Variants in INSYN2B observed in about 807,000 individuals in gnomAD.
INSYN2B encodes inhibitory synaptic factor family member 2B.
A neutral mutation model predicts 41.2 loss-of-function variants in INSYN2B; 16 were observed. The ratio of observed to expected loss-of-function variants is 0.39; its 90% CI spans 0.26 to 0.59. The LOEUF is 0.59. Ranked by LOEUF, INSYN2B falls within the 20% of genes least tolerant of loss-of-function variation. The probability of loss-of-function intolerance (pLI) is 0.57; values close to 1 mark genes in which losing one functional copy is unlikely to be tolerated. For missense variants in INSYN2B, 608 were observed against 646.4 expected, an observed-to-expected ratio of 0.94 and a Z score of 0.64; for synonymous variants, 245 against 244.4, an observed-to-expected ratio of 1.00 and a Z score of -0.02.
chr5:169,959,746 A>G (rs1488842955), intron 1 of INSYN2B, among the ~76,000 whole-genome samples: 1 of 152,232 alleles, frequency 6.6e-6, no homozygotes, highest in Non-Finnish European at 1.5e-5. Flanking sequence ...CATCCTAGTT[A>G]TTCCACATCC....
In INSYN2B at chr5:169,877,995, G is replaced by A. The variant is rs576045539; in HGVS notation, c.1421+3373C>T. Among the ~76,000 whole-genome samples the A allele has an allele frequency of 1.2e-4, 18 of 152,236 alleles. No individual in the cohort carries two copies. In the East Asian group the frequency reaches 3.3e-3, roughly 28 times the overall value. On this transcript the variant is annotated intron_variant, in intron 3 of 3. Transcript: ENST00000377365. ...TATTATTTTCCTTTAAAACATATTG[G>A]AGACATTTTACAACTGAAACCAAGC...
In INSYN2B at chr5:169,863,866, C is replaced by T. The variant is rs1296302626; in HGVS notation, c.*407G>A. Among the ~76,000 whole-genome samples, 3 of 152,130 alleles carry T rather than the reference C, an allele frequency of 2.0e-5. No individual in the cohort carries two copies. Among genetic ancestry groups the T allele is most frequent in the East Asian group, 1.9e-4 (1 of 5,196 alleles). ...TAACCTATAACCTCCCTCTACCTTC[C>T]GGGTCTGCACAACACTATTTTTTTC... On this transcript the variant is annotated 3_prime_UTR_variant, in exon 4 of 4. Coordinates refer to ENST00000377365, the MANE Select transcript of INSYN2B (RefSeq NM_001129891.3).
chr5:169,901,337 G>A (rs1773911469), intron 1 of INSYN2B, among the ~76,000 whole-genome samples: 1 of 152,182 alleles, frequency 6.6e-6, no homozygotes, highest in Non-Finnish European at 1.5e-5. Context: ...TTAGGCAGGA[G>A]TGATGATATT....
At chr5:169,929,327 A>G (rs913058683) in intron 1 of INSYN2B, among the ~76,000 whole-genome samples, 4 of 152,202 alleles carry the variant, frequency 2.6e-5, no homozygotes, top group Admixed American at 6.5e-5. Context: ...TCACATGGGT[A>G]AGACTCAGAC....
At chr5:169,971,082 G>T (rs764655737) in intron 1 of INSYN2B, among the ~76,000 whole-genome samples, 10 of 152,068 alleles carry the variant, frequency 6.6e-5, no homozygotes, top group Non-Finnish European at 1.5e-5. Context: ...AGCTAATGCG[G>T]ACTGCAGAGG....
At chr5:169,951,894 C>T (rs1177245811) in intron 1 of INSYN2B, among the ~76,000 whole-genome samples, 1 of 152,178 alleles carries the variant, frequency 6.6e-6, no homozygotes, top group African/African-American at 2.4e-5. Context: ...GACACCAGAA[C>T]CAGAGCCCCA....
At chr5:169,955,776 C>T (rs1391853252) in intron 1 of INSYN2B, among the ~76,000 whole-genome samples, 1 of 152,140 alleles carries the variant, frequency 6.6e-6, no homozygotes, top group African/African-American at 2.4e-5. Context: ...ATCCTGCCTC[C>T]CAGGGCTTTA....
At position 169,863,175 on chromosome 5, in the gene INSYN2B, G is replaced by A. The variant is rs1771311161; in HGVS notation, c.*1098C>T. 2.6e-5 allele frequency among the ~76,000 whole-genome samples: 4 copies of A among 152,198 alleles called. No homozygotes were observed. The highest frequency in any genetic ancestry group is 5.9e-5 in the Non-Finnish European group (4 of 68,038). On this transcript the variant is annotated 3_prime_UTR_variant, in exon 4 of 4. Coordinates refer to ENST00000377365, the MANE Select transcript of INSYN2B (RefSeq NM_001129891.3). ...CTTGAATAACTCAGACTTTGGGATGGAAAGATATTTAAACCTCAAATAGAA... is the reference window on the plus strand; with the variant it reads ...CTTGAATAACTCAGACTTTGGGATGAAAAGATATTTAAACCTCAAATAGAA...
chr5:169,933,461 T>C (rs750428938), intron 1 of INSYN2B, among the ~76,000 whole-genome samples: 15 of 152,206 alleles, frequency 9.9e-5, no homozygotes, highest in Non-Finnish European at 1.6e-4. Flanking sequence ...GGTAAATCAG[T>C]CATTATCCTG....
chr5:169,883,136 A>G lies in INSYN2B; in HGVS notation c.763T>C (p.Ser255Pro). ...CTGGTGGCATTTAAGCAGGAGGTGGATTTTTCTGAATCTAGTGGAGTCACC... is the reference window on the plus strand; with the variant it reads ...CTGGTGGCATTTAAGCAGGAGGTGGGTTTTTCTGAATCTAGTGGAGTCACC... Reference protein sequence around the residue: ...RRVTPLDSEKSTSCLNATSVA... With the variant: ...RRVTPLDSEKPTSCLNATSVA... Residue 255 changes from serine (S) to proline (P), a missense_variant, in exon 2 of 4, where the codon TCC becomes CCC. Ser to Pro is a moderately conservative substitution (Grantham distance 74). Transcript: ENST00000377365. 6.4e-7 allele frequency: 1 copy of G among 1,551,224 alleles called. No homozygotes were observed. The highest frequency in any genetic ancestry group is 8.7e-7 in the Non-Finnish European group (1 of 1,146,876).
Position 169,930,426 on chromosome 5 carries a change from G to A in INSYN2B, c.-918-45610C>T, listed in dbSNP as rs576055212. Among the ~76,000 whole-genome samples, 12 of 152,340 alleles carry A rather than the reference G, an allele frequency of 7.9e-5. No homozygotes were observed. The South Asian group carries it at 1.9e-3, about 24-fold the overall frequency. On this transcript the variant is annotated intron_variant, in intron 1 of 3. Transcript: ENST00000377365. ...GGACCTCAGAGCCTCTTAGGGTAAT[G>A]TGTGTCCTCTGGGATGACATTTCTT... is the stretch of plus-strand genomic sequence containing the variant.
rs1004912468 is a variant in INSYN2B, at chr5:169,875,601, A to G, written c.1421+5767T>C. On this transcript the variant is annotated intron_variant, in intron 3 of 3. Transcript: ENST00000377365. ...AAGTGCCTCGCCTCTCTCAGCTTCAATTGCCTAATCTGAATGTTGAGCAAG... is the reference window on the plus strand; with the variant it reads ...AAGTGCCTCGCCTCTCTCAGCTTCAGTTGCCTAATCTGAATGTTGAGCAAG... 13 of 236,612 alleles carry G rather than the reference A, an allele frequency of 5.5e-5. No homozygotes were observed. In the East Asian group the frequency reaches 1.0e-3, roughly 18 times the overall value. 14.7% of individuals were successfully genotyped at this position (236,612 alleles called of 1,614,324 possible).
intron 1 of INSYN2B, among the ~76,000 whole-genome samples, chr5:169,920,697 A>G (rs1581418643): frequency 6.6e-6 from 1 of 152,214 alleles, no homozygotes; most frequent in African/African-American, 2.4e-5. Context: ...AGAGCACATC[A>G]GCTCTGTGCT....
intron 1 of INSYN2B, among the ~76,000 whole-genome samples, chr5:169,955,111 C>T (rs1053041492): frequency 6.6e-6 from 1 of 152,192 alleles, no homozygotes; most frequent in African/African-American, 2.4e-5. Context: ...ACCCCATAAC[C>T]TTGCAGAGAT....
In INSYN2B at chr5:169,884,231, C is replaced by T. The variant is rs994631249; in HGVS notation, c.-333G>A. ...CGGTTTATCAAGGGAGGCTGGCACG[C>T]GGTTCTGATCTTGGAAGAAGCTGGC... On this transcript the variant is annotated 5_prime_UTR_variant, in exon 2 of 4. Coordinates refer to ENST00000377365, the MANE Select transcript of INSYN2B (RefSeq NM_001129891.3). 2.6e-5 allele frequency: 5 copies of T among 194,592 alleles called. No individual in the cohort carries two copies. The highest frequency in any genetic ancestry group is 1.3e-4 in the East Asian group (1 of 7,970). 12.1% of individuals were successfully genotyped at this position (194,592 alleles called of 1,614,324 possible).
intron 1 of INSYN2B, among the ~76,000 whole-genome samples, chr5:169,948,160 C>A (rs1166933298): frequency 6.6e-6 from 1 of 152,138 alleles, no homozygotes; most frequent in Non-Finnish European, 1.5e-5. Context: ...CCAACCTCTT[C>A]TCTTCATTCA....
At chr5:169,938,842 CTG>C (rs1361488391) in intron 1 of INSYN2B, among the ~76,000 whole-genome samples, 5 of 152,076 alleles carry the variant, frequency 3.3e-5, no homozygotes, top group African/African-American at 1.2e-4. Context: ...TATTGTATAA[CTG>C]TGCAAAAATA....
chr5:169,888,893 G>A (rs559267280), intron 1 of INSYN2B, among the ~76,000 whole-genome samples: 1 of 152,270 alleles, frequency 6.6e-6, no homozygotes, highest in South Asian at 2.1e-4. Flanking sequence ...GCATTCATGG[G>A]AAGGAATGTA....
chr5:169,942,169 A>T (rs879665165), intron 1 of INSYN2B, among the ~76,000 whole-genome samples: 1 of 152,246 alleles, frequency 6.6e-6, no homozygotes, highest in African/African-American at 2.4e-5. Context: ...GAAAGTCTGT[A>T]GCATATCTTA....
Sources: allele counts gnomAD v4.1 joint callset (sites outside exome capture counted in the v4.1 genomes callset), GRCh38; gene constraint gnomAD v4.1.1; transcripts MANE v1.5; gene names NCBI Gene and HGNC (gene_info 2026-07-23, HGNC 2026-07-21).